SLC15A2: variants seen among roughly 807,000 people sequenced by gnomAD.
The protein encoded by SLC15A2 is solute carrier family 15 member 2, also known as kidney H(+)/peptide cotransporter.
SLC15A2 carries 77 observed loss-of-function variants against 95.5 expected under a neutral mutation model. The observed-to-expected ratio is 0.81, with a 90% CI of 0.67 to 0.97. The LOEUF is 0.97. SLC15A2 is among the 50% of genes least tolerant of loss of function. The probability of loss-of-function intolerance (pLI) is 0.00; values close to 1 mark genes in which losing one functional copy is unlikely to be tolerated. For synonymous variants in SLC15A2, 306 were observed against 306.9 expected, an observed-to-expected ratio of 1.00 and a Z score of 0.03; for missense variants, 893 against 874.4, an observed-to-expected ratio of 1.02 and a Z score of -0.27.
intron 4 of SLC15A2, among the ~76,000 whole-genome samples, chr3:121,912,666 G>C (rs188667884): frequency 1.4e-4 from 22 of 152,122 alleles, no homozygotes; most frequent in Non-Finnish European, 2.9e-4. Context: ...GTCCTTAAAG[G>C]TCTTTCCATT....
chr3:121,913,005 C>T lies in SLC15A2; in HGVS notation c.429-16C>T, dbSNP rs775383039. On this transcript the variant is annotated splice_polypyrimidine_tract_variant and intron_variant, in intron 4 of 21. Transcript: ENST00000489711. ...TTAGTATCAACATGGTTGGCATTCT[C>T]ACCTCTCCATTTCAGAGTCCTATCA... 2.1e-5 allele frequency: 33 copies of T among 1,593,464 alleles called. 1 individual carries two copies. Among genetic ancestry groups the T allele is most frequent in the Non-Finnish European group, 2.2e-5 (26 of 1,161,946 alleles).
At chr3:121,939,102 A>G (rs1710409605) in intron 19 of SLC15A2, 1 of 333,412 alleles carries the variant, frequency 3.0e-6, no homozygotes, top group East Asian at 4.7e-5. Context: ...TCCAAACTGC[A>G]ATATCAAAAT....
chr3:121,913,380 A>C (rs1709813662), intron 5 of SLC15A2, among the ~76,000 whole-genome samples: 1 of 152,228 alleles, frequency 6.6e-6, no homozygotes, highest in Non-Finnish European at 1.5e-5. Flanking sequence ...TAGCCTGGAC[A>C]AGAATTGAGG....
intron 11 of SLC15A2, 50 bp downstream of exon 11, chr3:121,923,316 A>G (rs770810287): frequency 1.9e-6 from 3 of 1,550,476 alleles, no homozygotes; most frequent in Non-Finnish European, 2.7e-6. Flanking sequence ...TTCATCATCC[A>G]TATTGGGGAA....
intron 5 of SLC15A2, 110 bp downstream of exon 5, chr3:121,913,230 T>C (rs1422321369): frequency 2.6e-6 from 2 of 779,866 alleles, no homozygotes; most frequent in Non-Finnish European, 4.4e-6. Context: ...TCAGATCTTA[T>C]CTGAGCAGTT....
chr3:121,919,315 G>A (rs868718775), intron 7 of SLC15A2, among the ~76,000 whole-genome samples: 25 of 152,250 alleles, frequency 1.6e-4, no homozygotes, highest in African/African-American at 5.3e-4. Context: ...AGCAAGTTCC[G>A]GGTTCTTGTC....
chr3:121,928,943 G>A, intron 15 of SLC15A2, 39 bp from the exon 16 acceptor site: 1 of 1,601,988 alleles, frequency 6.2e-7, no homozygotes, highest in Non-Finnish European at 8.5e-7. Context: ...TGCAGTAGAA[G>A]GTGTACGTGA....
intron 16 of SLC15A2, 54 bp downstream of exon 16, chr3:121,929,200 G>A: frequency 1.2e-6 from 2 of 1,601,688 alleles, no homozygotes; most frequent in Non-Finnish European, 1.7e-6. Context: ...TAATATGACT[G>A]TCTCATCAAC....
chr3:121,909,064 A>T (rs111894282), intron 3 of SLC15A2, among the ~76,000 whole-genome samples: 2,457 of 151,876 alleles, frequency 0.016, 36 homozygotes, highest in Non-Finnish European at 0.025. Context: ...TTATTTATTT[A>T]TTTTTTATTT....
chr3:121,938,348 G>C (rs945853480), intron 19 of SLC15A2, among the ~76,000 whole-genome samples: 4 of 152,232 alleles, frequency 2.6e-5, no homozygotes, highest in African/African-American at 7.2e-5. Flanking sequence ...GCAATGGCGG[G>C]CGCCCCTCCC....
At chr3:121,938,402 T>C (rs1243970364) in intron 19 of SLC15A2, among the ~76,000 whole-genome samples, 2 of 152,312 alleles carry the variant, frequency 1.3e-5, no homozygotes, top group South Asian at 2.1e-4. Context: ...ACTGCTGTGC[T>C]AGCAATCAGC....
At position 121,943,460 on chromosome 3, in the gene SLC15A2, T is replaced by A. The variant is rs968857235; in HGVS notation, c.*2453T>A. The stretch of plus-strand genomic sequence containing the variant: ...TTTCTGTCTTCTGAAAAACATTCTT[T>A]ATCTGAAATACAGCAATTAATATTA... On this transcript the variant is annotated 3_prime_UTR_variant, in exon 22 of 22. Coordinates refer to ENST00000489711, the MANE Select transcript of SLC15A2 (RefSeq NM_021082.4). The A allele has an allele frequency of 6.6e-6, 1 of 152,156 alleles. No homozygotes were observed. Among genetic ancestry groups the A allele is most frequent in the Admixed American group, 6.5e-5 (1 of 15,272 alleles). The allele number at this position is 152,156 out of a possible 1,614,324, so 9.4% of individuals were successfully genotyped here.
chr3:121,940,962 C>T lies in SLC15A2; in HGVS notation c.2145C>T (p.Ile715=), dbSNP rs951505040. The change falls in exon 22 of 22, where the codon ATC becomes ATT. Residue 715 remains isoleucine (I), a synonymous_variant. Coordinates refer to ENST00000489711, the MANE Select transcript of SLC15A2 (RefSeq NM_021082.4). ...CAGCAGATAAGCACATTCCTCACAT[C>T]CAGGGGAACATGATCAAACTAGAGA... ...RGPADKHIPH[I]QGNMIKLETK... is the part of the protein sequence containing the mutation. The T allele has an allele frequency of 1.2e-6, 2 of 1,613,980 alleles. No individual in the cohort carries two copies. Among genetic ancestry groups the T allele is most frequent in the African/African-American group, 1.3e-5 (1 of 74,914 alleles).
At chr3:121,894,981 A>G (rs933066045) in intron 1 of SLC15A2, among the ~76,000 whole-genome samples, 2 of 152,190 alleles carry the variant, frequency 1.3e-5, no homozygotes, top group African/African-American at 4.8e-5. Context: ...CTGAACACCA[A>G]TGGAAGTTTC....
rs34287803 is a variant in SLC15A2 at position 121,929,293 on chromosome 3, C to T, written c.1507-9C>T. 3.5e-5 allele frequency: 56 copies of T among 1,613,570 alleles called. No homozygotes were observed. The highest frequency in any genetic ancestry group is 5.3e-5 in the African/African-American group (4 of 74,898). The stretch of plus-strand genomic sequence containing the variant: ...AGCTGTTACTGATTTTTACTTTCCT[C>T]TGTTGTAGGTAAAGGATACAGAAAG... On this transcript the variant is annotated splice_polypyrimidine_tract_variant and intron_variant, in intron 16 of 21. Transcript: ENST00000489711.
intron 12 of SLC15A2, 107 bp downstream of exon 12, chr3:121,924,490 G>A (rs2257119): frequency 0.44 from 447,687 of 1,013,080 alleles, 102,353 homozygotes; most frequent in East Asian, 0.72. Context: ...CTCCTTGTAC[G>A]CTGATAAGGG....
chr3:121,927,425 C>G (rs1392548826), intron 13 of SLC15A2, among the ~76,000 whole-genome samples: 5 of 152,304 alleles, frequency 3.3e-5, no homozygotes, highest in Middle Eastern at 3.4e-3. Context: ...CTCACAAGAT[C>G]TGGTCATTTA....
chr3:121,921,193 A>G (rs1478863372), intron 7 of SLC15A2, among the ~76,000 whole-genome samples: 1 of 152,226 alleles, frequency 6.6e-6, no homozygotes, highest in Non-Finnish European at 1.5e-5. Flanking sequence ...ATAAATGATG[A>G]ATAGTGTTTA....
chr3:121,918,402 T>G (rs879529644), intron 7 of SLC15A2, among the ~76,000 whole-genome samples: 11 of 152,336 alleles, frequency 7.2e-5, no homozygotes, highest in Non-Finnish European at 1.6e-4. Context: ...TTATATGTTC[T>G]TGGAATATTT....
Sources: gnomAD v4.1 joint callset for allele counts (sites outside exome capture counted in the v4.1 genomes callset) on GRCh38, gnomAD v4.1.1 for gene constraint, MANE v1.5 for transcripts, NCBI Gene and HGNC (gene_info 2026-07-23, HGNC 2026-07-21) for gene names.